The following GRIP1 variants were observed in gnomAD, a reference collection of about 807,000 sequenced individuals.
GRIP1 encodes glutamate receptor interacting protein 1, also known as glutamate receptor-interacting protein 1.
In GRIP1, 45 loss-of-function variants were observed where a neutral mutation model predicts 129.9. The observed-to-expected ratio is 0.35, with a 90% CI of 0.27 to 0.44. GRIP1 has a LOEUF of 0.44. GRIP1 is among the 20% of genes least tolerant of loss of function. The pLI, the probability that GRIP1 is intolerant of heterozygous loss-of-function variation, is 1.00. For missense variants in GRIP1, 1,196 were observed against 1,396.8 expected, an observed-to-expected ratio of 0.86 and a Z score of 2.29; for synonymous variants, 530 against 520.8, an observed-to-expected ratio of 1.02 and a Z score of -0.24.
intron 1 of GRIP1, among the ~76,000 whole-genome samples, chr12:66,943,401 T>C (rs1056758508): frequency 3.9e-5 from 6 of 152,220 alleles, no homozygotes; most frequent in Admixed American, 2.6e-4. Flanking sequence ...TTGAGTGATG[T>C]GAGCAACTAC....
chr12:66,994,250 A>G (rs1205221870), intron 1 of GRIP1, among the ~76,000 whole-genome samples: 1 of 152,080 alleles, frequency 6.6e-6, no homozygotes, highest in Non-Finnish European at 1.5e-5. Flanking sequence ...CTGTAACAAA[A>G]CACTAGCAAA....
intron 4 of GRIP1, among the ~76,000 whole-genome samples, chr12:66,536,768 A>G (rs1421933713): frequency 6.6e-6 from 1 of 152,092 alleles, no homozygotes; most frequent in Non-Finnish European, 1.5e-5. Context: ...TACAATATAA[A>G]CTCTACTCAT....
rs761652409 is a variant in GRIP1, at chr12:66,668,314, G to A, written c.55+10536C>T. 3.9e-5 allele frequency among the ~76,000 whole-genome samples: 6 copies of A among 152,118 alleles called. No homozygotes were observed. In the South Asian group the frequency reaches 6.2e-4, roughly 16 times the overall value. On this transcript the variant is annotated intron_variant, in intron 1 of 24. Transcript: ENST00000359742. ...ATTTAGAAAAACAAAGGCAATAAAC[G>A]AAATTCATTTTTGATCTGTATGAGG...
At chr12:66,861,190 T>G (rs1592910329) in intron 1 of GRIP1, among the ~76,000 whole-genome samples, 1 of 152,266 alleles carries the variant, frequency 6.6e-6, no homozygotes, top group East Asian at 1.9e-4. Context: ...TACACATTTA[T>G]AAATCATTGG....
chr12:66,982,615 AC>A (rs1237511243), intron 1 of GRIP1, among the ~76,000 whole-genome samples: 1 of 152,164 alleles, frequency 6.6e-6, no homozygotes, highest in East Asian at 1.9e-4. Flanking sequence ...CAAGTGAGAA[AC>A]TGCAGCTTTC....
intron 1 of GRIP1, among the ~76,000 whole-genome samples, chr12:66,708,102 C>G (rs1363341080): frequency 6.6e-6 from 1 of 151,940 alleles, no homozygotes; most frequent in Admixed American, 6.6e-5. Flanking sequence ...CTGTTAATAT[C>G]TTTTGAATAT....
chr12:66,702,677 T>C (rs559301187), intron 1 of GRIP1, among the ~76,000 whole-genome samples: 2 of 152,198 alleles, frequency 1.3e-5, no homozygotes, highest in Non-Finnish European at 2.9e-5. Context: ...CACAATGCAA[T>C]GCACATTAAT....
chr12:66,681,064 C>G (rs1415247346), upstream of GRIP1, among the ~76,000 whole-genome samples: 1 of 152,116 alleles, frequency 6.6e-6, no homozygotes, highest in East Asian at 1.9e-4. Context: ...AATAACCCAT[C>G]ATGGAGCTCT....
At chr12:66,845,434 G>A (rs1380235874) in intron 1 of GRIP1, among the ~76,000 whole-genome samples, 2 of 152,206 alleles carry the variant, frequency 1.3e-5, no homozygotes, top group Non-Finnish European at 2.9e-5. Flanking sequence ...TACAGCCTGG[G>A]TGACAGAGTG....
intron 9 of GRIP1, among the ~76,000 whole-genome samples, chr12:66,460,159 G>A (rs899341724): frequency 2.0e-5 from 3 of 152,140 alleles, no homozygotes; most frequent in South Asian, 2.1e-4. Context: ...CTCTGGACAC[G>A]TGATCCTAAA....
chr12:66,527,252 G>A (rs376249093), intron 5 of GRIP1, among the ~76,000 whole-genome samples: 49 of 148,764 alleles, frequency 3.3e-4, no homozygotes, highest in African/African-American at 8.9e-4. Context: ...CACTATTCAC[G>A]ATAGCAAAGA....
upstream of GRIP1, among the ~76,000 whole-genome samples, chr12:66,805,978 C>CTTTTTTTTTT (rs79756327): frequency 7.9e-6 from 1 of 126,420 alleles, no homozygotes; most frequent in Non-Finnish European, 1.7e-5. Flanking sequence ...TTTTTTTTTT[C>CTTTTTTTTTT]TTTTTTTTTT....
chr12:66,508,008 C>T lies in GRIP1; in HGVS notation c.724+7611G>A, dbSNP rs117922106. Among the ~76,000 whole-genome samples the T allele has an allele frequency of 7.2e-4, 110 of 152,208 alleles. No individual in the cohort carries two copies. The East Asian group carries it at 0.019, about 26-fold the overall frequency. ...CCTTGGTTTTGCATGCTAGCATAAT[C>T]TAGGTGATCAAAAAGAAAGGTTTGA... is the stretch of plus-strand genomic sequence containing the variant. On this transcript the variant is annotated intron_variant, in intron 7 of 24. Coordinates refer to ENST00000359742, the MANE Select transcript of GRIP1 (RefSeq NM_001366722.1).
chr12:66,448,525 G>A (rs752356289), intron 11 of GRIP1, among the ~76,000 whole-genome samples: 2 of 151,770 alleles, frequency 1.3e-5, no homozygotes, highest in East Asian at 1.9e-4. Context: ...CAAACTTTCC[G>A]GATATGATGA....
intron 9 of GRIP1, among the ~76,000 whole-genome samples, chr12:66,456,692 T>C (rs1481892123): frequency 6.6e-6 from 1 of 152,054 alleles, no homozygotes; most frequent in South Asian, 2.1e-4. Context: ...CCCTCAAAGA[T>C]CTATGGCACA....
At chr12:66,480,334 C>T (rs537241110) in intron 7 of GRIP1, among the ~76,000 whole-genome samples, 5 of 152,190 alleles carry the variant, frequency 3.3e-5, no homozygotes, top group South Asian at 2.1e-4. Context: ...GAATAAAATA[C>T]ATAGGAATAC....
chr12:66,367,214 G>A (rs1008404724), intron 23 of GRIP1, among the ~76,000 whole-genome samples: 3 of 152,174 alleles, frequency 2.0e-5, no homozygotes, highest in Non-Finnish European at 4.4e-5. Flanking sequence ...TCTGTGATAA[G>A]CTGTAGTACA....
intron 1 of GRIP1, among the ~76,000 whole-genome samples, chr12:66,674,090 C>T (rs766715855): frequency 6.6e-6 from 1 of 152,028 alleles, no homozygotes; most frequent in South Asian, 2.1e-4. Flanking sequence ...CAGGATCTGA[C>T]AGAGAAGGCC....
chr12:66,442,199 C>T (rs759796708), intron 13 of GRIP1, among the ~76,000 whole-genome samples: 5 of 152,198 alleles, frequency 3.3e-5, no homozygotes, highest in South Asian at 4.1e-4. Context: ...CTGCATTAGT[C>T]GGTCTCTCTA....
Sources: gnomAD v4.1 joint callset for allele counts (sites outside exome capture counted in the v4.1 genomes callset) on GRCh38, gnomAD v4.1.1 for gene constraint, MANE v1.5 for transcripts, NCBI Gene and HGNC (gene_info 2026-07-23, HGNC 2026-07-21) for gene names.